The following SAMD5 variants were observed in gnomAD, a reference collection of about 807,000 sequenced individuals.
SAMD5 encodes the protein sterile alpha motif domain-containing protein 5.
A neutral mutation model predicts 11.3 loss-of-function variants in SAMD5; 13 were observed. That is an observed-to-expected ratio of 1.15 (90% confidence interval 0.75 to 1.83). The LOEUF (loss-of-function observed/expected upper bound fraction) is 1.83, where lower values mean the gene tolerates loss of function less well. Among genes scored for constraint, SAMD5 ranks in the 40% most tolerant of loss-of-function variants. The probability of loss-of-function intolerance (pLI) is 0.00; values close to 1 mark genes in which losing one functional copy is unlikely to be tolerated. For missense variants in SAMD5, 255 were observed against 239.1 expected (o/e 1.07, Z -0.44); for synonymous variants, 129 against 111.3 (o/e 1.16, Z -1.00).
At chr6:147,797,689 A>C in the SAMD5 span, among the ~76,000 whole-genome samples, 1 of 140,824 alleles carries the variant, frequency 7.1e-6, no homozygotes, top group Admixed American at 7.1e-5. Flanking sequence ...CTGTGAATCC[A>C]TCTGGTCCTG....
At chr6:147,863,971 G>A in the SAMD5 span, among the ~76,000 whole-genome samples, 28 of 151,386 alleles carry the variant, frequency 1.8e-4, no homozygotes, top group South Asian at 5.7e-3. Flanking sequence ...AGCGTCCCGA[G>A]TAGCTGGGAT....
chr6:147,745,777 CTTTTTTTT>C, the SAMD5 span, among the ~76,000 whole-genome samples: 1,076 of 133,238 alleles, frequency 8.1e-3, 14 homozygotes, highest in African/African-American at 0.027. Context: ...TTCTTTCTTT[CTTTTTTTT>C]TTTTTTTTTT....
intron 1 of SAMD5, among the ~76,000 whole-genome samples, chr6:147,717,377 G>C (rs1276967162): frequency 6.6e-6 from 1 of 152,154 alleles, no homozygotes; most frequent in Non-Finnish European, 1.5e-5. Flanking sequence ...GATTTTTCAT[G>C]GATCCGTAAA....
chr6:147,933,038 A>G, the SAMD5 span, among the ~76,000 whole-genome samples: 1 of 152,232 alleles, frequency 6.6e-6, no homozygotes, highest in Non-Finnish European at 1.5e-5. Context: ...TGTTTAACTT[A>G]GGATCTTTGA....
chr6:147,646,944 C>T (rs1466149558), intron 1 of SAMD5, among the ~76,000 whole-genome samples: 1 of 150,292 alleles, frequency 6.7e-6, no homozygotes, highest in African/African-American at 2.4e-5. Context: ...TCAAGACCAG[C>T]CTGGCCAACA....
chr6:147,724,547 T>C (rs1458707358), intron 1 of SAMD5, among the ~76,000 whole-genome samples: 1 of 152,180 alleles, frequency 6.6e-6, no homozygotes, highest in Non-Finnish European at 1.5e-5. Context: ...TGAACTATCT[T>C]TCTTGCCAAT....
intron 1 of SAMD5, among the ~76,000 whole-genome samples, chr6:147,650,247 G>A (rs886721403): frequency 2.6e-5 from 4 of 152,144 alleles, no homozygotes; most frequent in African/African-American, 9.7e-5. Flanking sequence ...CACTCAGTAG[G>A]GACTGTGGTG....
chr6:147,520,845 C>A (rs1788243072), intron 1 of SAMD5, among the ~76,000 whole-genome samples: 1 of 152,138 alleles, frequency 6.6e-6, no homozygotes, highest in Admixed American at 6.5e-5. Flanking sequence ...TCCATTACCT[C>A]ACATACTTAC....
At chr6:147,750,597 C>T in the SAMD5 span, among the ~76,000 whole-genome samples, 3 of 152,184 alleles carry the variant, frequency 2.0e-5, no homozygotes, top group Non-Finnish European at 4.4e-5. Flanking sequence ...TGATGAGGCT[C>T]AGGATAATGG....
the SAMD5 span, among the ~76,000 whole-genome samples, chr6:147,766,462 C>A: frequency 6.6e-6 from 1 of 152,048 alleles, no homozygotes; most frequent in Non-Finnish European, 1.5e-5. Flanking sequence ...GCCATTCATA[C>A]CCAAAGAAAA....
At chr6:147,649,198 G>A (rs1790446909) in intron 1 of SAMD5, among the ~76,000 whole-genome samples, 1 of 152,156 alleles carries the variant, frequency 6.6e-6, no homozygotes, top group African/African-American at 2.4e-5. Context: ...CTGGCCACCA[G>A]AACTATTTAT....
the SAMD5 span, among the ~76,000 whole-genome samples, chr6:147,812,545 T>TA: frequency 1.3e-5 from 2 of 151,882 alleles, no homozygotes; most frequent in East Asian, 1.9e-4. Flanking sequence ...GTTTTTTTTT[T>TA]AAAAAGTGGG....
chr6:147,923,279 G>C, the SAMD5 span, among the ~76,000 whole-genome samples: 5 of 152,170 alleles, frequency 3.3e-5, no homozygotes, highest in African/African-American at 1.2e-4. Context: ...TATGCTGAAT[G>C]AATCATCTTT....
chr6:147,834,710 G>A, the SAMD5 span, among the ~76,000 whole-genome samples: 1 of 152,124 alleles, frequency 6.6e-6, no homozygotes, highest in Admixed American at 6.5e-5. Context: ...ATACAGTTTG[G>A]CCTCTCGGAT....
rs73787376 is a variant in SAMD5, at chr6:147,696,522, C to T, written c.163-40795C>T. On this transcript the variant is annotated intron_variant, in intron 1 of 1. Transcript: ENST00000566741. The stretch of plus-strand genomic sequence containing the variant: ...CCAATGGGTCTGGCACCCCTGTTAC[C>T]CGTGTGCACTCTGCCTTAGCCCAGC... 6.9e-3 allele frequency among the ~76,000 whole-genome samples: 1,052 copies of T among 152,276 alleles called. 19 individuals are homozygous for T. The highest frequency in any genetic ancestry group is 0.024 in the African/African-American group (1,002 of 41,564).
intron 1 of SAMD5, among the ~76,000 whole-genome samples, chr6:147,597,080 G>A (rs375152218): frequency 1.6e-3 from 248 of 152,270 alleles, no homozygotes; most frequent in African/African-American, 5.7e-3. Flanking sequence ...TATAGCATGG[G>A]ATGCCATGGT....
the SAMD5 span, among the ~76,000 whole-genome samples, chr6:147,805,417 A>G: frequency 3.3e-5 from 5 of 150,704 alleles, no homozygotes; most frequent in African/African-American, 1.2e-4. Context: ...TTATTATGTT[A>G]TATTGTAGTA....
intron 1 of SAMD5, among the ~76,000 whole-genome samples, chr6:147,685,043 C>T (rs1790989858): frequency 6.6e-6 from 1 of 152,178 alleles, no homozygotes; most frequent in African/African-American, 2.4e-5. Flanking sequence ...CTTGCCTTCT[C>T]ATTGTGTAAC....
At chr6:147,572,278 G>A (rs1239661018), downstream of SAMD5, among the ~76,000 whole-genome samples, 1 of 152,022 alleles carries the variant, frequency 6.6e-6, no homozygotes, top group Non-Finnish European at 1.5e-5. Context: ...CCTATACATG[G>A]GAAACCAAGT....
Sources: allele counts gnomAD v4.1 joint callset (sites outside exome capture counted in the v4.1 genomes callset), GRCh38; gene constraint gnomAD v4.1.1; transcripts MANE v1.5; gene names NCBI Gene and HGNC (gene_info 2026-07-23, HGNC 2026-07-21).